AP3M1: variants seen among roughly 807,000 people sequenced by gnomAD.
AP3M1 encodes AP-3 complex subunit mu-1.
A neutral mutation model predicts 42.6 loss-of-function variants in AP3M1; 29 were observed. The ratio of observed to expected loss-of-function variants is 0.68; its 90% CI spans 0.51 to 0.93. The LOEUF (loss-of-function observed/expected upper bound fraction) is 0.93. Ranked by LOEUF, AP3M1 falls within the 40% of genes least tolerant of loss-of-function variation. The pLI is 0.00. For synonymous variants in AP3M1, 178 were observed against 175.3 expected (o/e 1.02, Z -0.12); for missense variants, 416 against 510.2 (o/e 0.82, Z 1.78).
In AP3M1 at chr10:74,138,185, G is replaced by A; in HGVS notation, c.195C>T (p.Phe65=). The A allele has an allele frequency of 1.2e-6, 2 of 1,614,166 alleles. No individual in the cohort carries two copies. Among genetic ancestry groups the A allele is most frequent in the Non-Finnish European group, 1.7e-6 (2 of 1,180,026 alleles). ...YLISIYRDKL[F]FVSVIQTEVP... ...CTTCGGTCTGTATGACAGATACAAA[G>A]AAGAGCTTATCCCGGTAGATACTGA... The change falls in exon 2 of 9, where the codon TTC becomes TTT. Residue 65 remains phenylalanine (F), a synonymous_variant. Transcript: ENST00000355264.
chr10:74,140,161 C>T (rs2131989652), intron 1 of AP3M1, among the ~76,000 whole-genome samples: 1 of 152,266 alleles, frequency 6.6e-6, no homozygotes, highest in South Asian at 2.1e-4. Context: ...GCCCTCGGTC[C>T]CCCGGGTGCC....
chr10:74,134,994 A>G (rs1420295924), intron 3 of AP3M1, among the ~76,000 whole-genome samples: 1 of 151,908 alleles, frequency 6.6e-6, no homozygotes, highest in Non-Finnish European at 1.5e-5. Flanking sequence ...ATTTTTTTCT[A>G]TTTTGATAAT....
At chr10:74,139,451 TA>T (rs3037356) in intron 1 of AP3M1, among the ~76,000 whole-genome samples, 24,173 of 146,372 alleles carry the variant, frequency 0.17, 1,965 homozygotes, top group Middle Eastern at 0.24. Flanking sequence ...TCATCTCTAT[TA>T]AAAAAAAAAA....
chr10:74,127,936 A>C (rs986986386), intron 6 of AP3M1, among the ~76,000 whole-genome samples: 7 of 151,292 alleles, frequency 4.6e-5, no homozygotes, highest in African/African-American at 1.7e-4. Flanking sequence ...CCCCGCCTCT[A>C]CTAAAAACAC....
intron 6 of AP3M1, among the ~76,000 whole-genome samples, chr10:74,127,889 T>A (rs962956135): frequency 1.3e-5 from 2 of 151,628 alleles, no homozygotes; most frequent in Admixed American, 6.6e-5. Flanking sequence ...TCACCTGAGG[T>A]CTGGAGTTCG....
intron 1 of AP3M1, among the ~76,000 whole-genome samples, chr10:74,143,518 A>C (rs140508145): frequency 5.3e-5 from 8 of 152,190 alleles, no homozygotes; most frequent in African/African-American, 1.9e-4. Context: ...GTCCCCATTC[A>C]AAGTGTTTTA....
rs528976828 is a variant in AP3M1 at position 74,149,538 on chromosome 10, T to G, written c.-4+1217A>C. Among the ~76,000 whole-genome samples the G allele has an allele frequency of 8.0e-4, 122 of 152,178 alleles. 4 individuals are homozygous for G. In the South Asian group the frequency reaches 0.024, roughly 31 times the overall value. On this transcript the variant is annotated intron_variant, in intron 1 of 8. Transcript: ENST00000355264. ...CTCCTGACTTTGTGATCCGCCCGCT[T>G]CAGCCTGCCAAAGTGCTGAGATTAC...
At chr10:74,150,171 A>G (rs1159312788) in intron 1 of AP3M1, among the ~76,000 whole-genome samples, 6 of 151,962 alleles carry the variant, frequency 3.9e-5, no homozygotes, top group African/African-American at 1.5e-4. Flanking sequence ...ATTCGATAAA[A>G]CTCAAACTCC....
At chr10:74,139,597 C>A (rs941174642) in intron 1 of AP3M1, among the ~76,000 whole-genome samples, 4 of 145,830 alleles carry the variant, frequency 2.7e-5, no homozygotes, top group Non-Finnish European at 6.0e-5. Context: ...GCCTGGCCAA[C>A]GTGCAGAAAC....
chr10:74,132,038 T>A (rs970694562), intron 4 of AP3M1, among the ~76,000 whole-genome samples: 1 of 152,068 alleles, frequency 6.6e-6, no homozygotes, highest in Admixed American at 6.6e-5. Context: ...TTTTCTTTTT[T>A]CTTTTTTTGT....
intron 7 of AP3M1, among the ~76,000 whole-genome samples, chr10:74,125,282 GTTT>G (rs1840582727): frequency 2.6e-5 from 4 of 152,160 alleles, no homozygotes; most frequent in Non-Finnish European, 5.9e-5. Context: ...CCCAGCCTCT[GTTT>G]ATTTTTCTGT....
At chr10:74,149,207 T>C (rs1472014913) in intron 1 of AP3M1, among the ~76,000 whole-genome samples, 1 of 135,842 alleles carries the variant, frequency 7.4e-6, no homozygotes, top group African/African-American at 2.7e-5. Context: ...ATAAAAATCA[T>C]AAGATTAAGT....
At position 74,122,840 on chromosome 10, in the gene AP3M1, G is replaced by C. The variant is rs1387678042; in HGVS notation, c.*970C>G. 6.6e-6 allele frequency: 1 copy of C among 152,180 alleles called. No homozygotes were observed. The allele number at this position is 152,180 out of a possible 1,614,324, so 9.4% of individuals were successfully genotyped here. On this transcript the variant is annotated 3_prime_UTR_variant, in exon 9 of 9. Coordinates refer to ENST00000355264, the MANE Select transcript of AP3M1 (RefSeq NM_012095.6). Reference sequence around the variant, plus strand: ...AAAAAGACTGATGACTGTGAGGCAGGCACATTTTCCTCCTTTTGCTGAACT... The same window carrying C: ...AAAAAGACTGATGACTGTGAGGCAGCCACATTTTCCTCCTTTTGCTGAACT...
chr10:74,139,855 C>T (rs1256421997), intron 1 of AP3M1, among the ~76,000 whole-genome samples: 2 of 144,326 alleles, frequency 1.4e-5, no homozygotes, highest in African/African-American at 2.6e-5. Flanking sequence ...TGCAGTGAGC[C>T]GAGACTCAAG....
intron 1 of AP3M1, among the ~76,000 whole-genome samples, chr10:74,144,164 T>C (rs556153262): frequency 2.6e-5 from 4 of 152,286 alleles, no homozygotes; most frequent in South Asian, 2.1e-4. Flanking sequence ...GGTTTCACCA[T>C]GTTAGCCAGG....
At chr10:74,141,301 C>T (rs2131991876) in intron 1 of AP3M1, among the ~76,000 whole-genome samples, 1 of 152,228 alleles carries the variant, frequency 6.6e-6, no homozygotes, top group South Asian at 2.1e-4. Context: ...TGGCTCATAC[C>T]TGTAGTCCCT....
chr10:74,139,606 ACT>A (rs1487294248), intron 1 of AP3M1, among the ~76,000 whole-genome samples: 1 of 149,072 alleles, frequency 6.7e-6, no homozygotes, highest in African/African-American at 2.5e-5. Flanking sequence ...ACGTGCAGAA[ACT>A]CTGTCTCTAC....
Position 74,130,080 on chromosome 10 carries a change from T to C in AP3M1, c.584-88A>G, listed in dbSNP as rs1840738832. The C allele has an allele frequency of 5.2e-6, 5 of 966,852 alleles. No individual in the cohort carries two copies. In the South Asian group the frequency reaches 5.7e-5, roughly 11 times the overall value. 59.9% of individuals were successfully genotyped at this position (966,852 alleles called of 1,614,324 possible). A position where few individuals can be genotyped will look rare whatever the true frequency, so the allele number is the denominator to read the frequency against. On this transcript the variant is annotated intron_variant, in intron 4 of 8. Coordinates refer to ENST00000355264, the MANE Select transcript of AP3M1 (RefSeq NM_012095.6). ...CACTGTATCTTTTTATTTTTATTTA[T>C]TGTTTTTAGAGACAGAGTCTTGCTC...
chr10:74,132,445 CT>C (rs1418795778), intron 4 of AP3M1, among the ~76,000 whole-genome samples: 1 of 151,648 alleles, frequency 6.6e-6, no homozygotes, highest in Admixed American at 6.6e-5. Context: ...AATCCCAGCA[CT>C]TTGGGAGGCT....
Sources: allele counts gnomAD v4.1 joint callset (sites outside exome capture counted in the v4.1 genomes callset), GRCh38; gene constraint gnomAD v4.1.1; transcripts MANE v1.5; gene names NCBI Gene and HGNC (gene_info 2026-07-23, HGNC 2026-07-21).